Variants in TAFA4 observed in about 807,000 individuals in gnomAD.
TAFA4 encodes the protein chemokine-like protein TAFA-4.
TAFA4 carries 20 observed loss-of-function variants against 21.1 expected under a neutral mutation model. The ratio of observed to expected loss-of-function variants is 0.95; its 90% CI spans 0.67 to 1.38. The LOEUF is 1.38. Ranked by LOEUF, TAFA4 falls within the 40% of genes most tolerant of loss-of-function variation. TAFA4 has a pLI of 0.00. For missense variants in TAFA4, 211 were observed against 180.9 expected, an observed-to-expected ratio of 1.17 and a Z score of -0.95; for synonymous variants, 71 against 67.4, an observed-to-expected ratio of 1.05 and a Z score of -0.26.
chr3:68,890,556 A>T lies in TAFA4; in HGVS notation c.-122-5246T>A, dbSNP rs74868827. On this transcript the variant is annotated intron_variant, in intron 1 of 5. Coordinates refer to ENST00000295569, the MANE Select transcript of TAFA4 (RefSeq NM_182522.5). ...GCCTGCTAGGAACCATGCACTTGTT[A>T]GTCATTTTAAAATATAAACTCACTT... Among the ~76,000 whole-genome samples the T allele has an allele frequency of 2.4e-3, 367 of 152,330 alleles. 1 individual carries two copies. The Middle Eastern group carries it at 0.034, about 14-fold the overall frequency.
intron 3 of TAFA4, among the ~76,000 whole-genome samples, chr3:68,830,880 G>T (rs1392718557): frequency 6.6e-6 from 1 of 152,138 alleles, no homozygotes; most frequent in East Asian, 1.9e-4. Context: ...TCCTGTATTG[G>T]GTGCATATAT....
chr3:68,921,006 G>T (rs975302608), intron 1 of TAFA4, among the ~76,000 whole-genome samples: 1 of 152,134 alleles, frequency 6.6e-6, no homozygotes, highest in Non-Finnish European at 1.5e-5. Flanking sequence ...GTGCTGGGGG[G>T]ACAAAGGCCA....
At chr3:68,826,676 T>G (rs1033814103) in intron 3 of TAFA4, among the ~76,000 whole-genome samples, 4 of 150,990 alleles carry the variant, frequency 2.6e-5, no homozygotes, top group African/African-American at 9.8e-5. Context: ...GAGGGTAGAA[T>G]AGTAGGCAGA....
chr3:68,840,131 C>A (rs892586324), intron 3 of TAFA4, among the ~76,000 whole-genome samples: 1 of 152,158 alleles, frequency 6.6e-6, no homozygotes, highest in Non-Finnish European at 1.5e-5. Flanking sequence ...GACCCCATGG[C>A]AAATGGGGCT....
intron 3 of TAFA4, among the ~76,000 whole-genome samples, chr3:68,848,840 C>T (rs1013258325): frequency 2.6e-5 from 4 of 152,058 alleles, no homozygotes; most frequent in African/African-American, 9.7e-5. Flanking sequence ...CTGGTGCATG[C>T]AAAGTGACAG....
intron 3 of TAFA4, among the ~76,000 whole-genome samples, chr3:68,849,860 T>C (rs974041421): frequency 6.6e-6 from 1 of 152,216 alleles, no homozygotes; most frequent in African/African-American, 2.4e-5. Context: ...CCTCAACAGG[T>C]TCCTCTAATC....
intron 3 of TAFA4, among the ~76,000 whole-genome samples, chr3:68,808,374 G>T (rs184982530): frequency 7.8e-4 from 118 of 152,180 alleles, no homozygotes; most frequent in Admixed American, 2.0e-3. Context: ...CATAACAGTT[G>T]TCCTAGAATG....
At chr3:68,927,299 G>A (rs577150785) in intron 1 of TAFA4, among the ~76,000 whole-genome samples, 10 of 152,264 alleles carry the variant, frequency 6.6e-5, no homozygotes, top group Admixed American at 5.9e-4. Context: ...AGATGAAATA[G>A]AAATGAAGAA....
chr3:68,921,944 T>C (rs1196323281), intron 1 of TAFA4, among the ~76,000 whole-genome samples: 2 of 152,190 alleles, frequency 1.3e-5, no homozygotes, highest in African/African-American at 4.8e-5. Context: ...TCTTATGCTC[T>C]AAAAGAAACG....
rs186389829 is a variant in TAFA4, at chr3:68,776,848, A to C, written c.131-23830T>G. Among the ~76,000 whole-genome samples, 277 of 152,310 alleles carry C rather than the reference A, an allele frequency of 1.8e-3. 1 individual carries two copies. Among genetic ancestry groups the C allele is most frequent in the African/African-American group, 6.4e-3 (266 of 41,588 alleles). Reference sequence around the variant, plus strand: ...ATTAAATTAGAAACCAATAATAAGAAAATCAGAAAAACCATTTGGAAATTA... The same window carrying C: ...ATTAAATTAGAAACCAATAATAAGACAATCAGAAAAACCATTTGGAAATTA... On this transcript the variant is annotated intron_variant, in intron 3 of 5. Transcript: ENST00000295569.
At chr3:68,762,732 A>T (rs1472640471) in intron 3 of TAFA4, among the ~76,000 whole-genome samples, 1 of 152,230 alleles carries the variant, frequency 6.6e-6, no homozygotes, top group Non-Finnish European at 1.5e-5. Context: ...GAAGAATCTC[A>T]TGAAGTCAAT....
chr3:68,909,437 G>A (rs1196564144), intron 1 of TAFA4, among the ~76,000 whole-genome samples: 2 of 152,100 alleles, frequency 1.3e-5, no homozygotes, highest in Non-Finnish European at 2.9e-5. Flanking sequence ...GCACCAAGTA[G>A]TCCCTCAGTA....
chr3:68,882,813 G>A (rs376468801), intron 2 of TAFA4, among the ~76,000 whole-genome samples: 37 of 152,276 alleles, frequency 2.4e-4, no homozygotes, highest in African/African-American at 8.7e-4. Flanking sequence ...TAGAGTTTCT[G>A]TCCTCTTCAT....
chr3:68,807,867 A>G (rs919012877), intron 3 of TAFA4, among the ~76,000 whole-genome samples: 9 of 152,210 alleles, frequency 5.9e-5, no homozygotes, highest in Non-Finnish European at 1.2e-4. Flanking sequence ...GATTTGACAT[A>G]TAATTGCAAG....
At chr3:68,757,911 T>C (rs1053364652) in intron 3 of TAFA4, among the ~76,000 whole-genome samples, 9 of 152,228 alleles carry the variant, frequency 5.9e-5, no homozygotes, top group South Asian at 2.1e-4. Flanking sequence ...ATATAGGTTT[T>C]AGGTACTGTT....
chr3:68,897,566 C>A (rs1452632763), intron 1 of TAFA4, among the ~76,000 whole-genome samples: 2 of 151,654 alleles, frequency 1.3e-5, no homozygotes, highest in East Asian at 3.9e-4. Flanking sequence ...GCAGAGGTTG[C>A]AGTGAGCTGA....
At chr3:68,843,945 C>T (rs374996639) in intron 3 of TAFA4, among the ~76,000 whole-genome samples, 25 of 152,312 alleles carry the variant, frequency 1.6e-4, no homozygotes, top group South Asian at 1.0e-3. Context: ...ATTTTCGCAT[C>T]GGTGTCCATC....
chr3:68,885,351 C>T, intron 1 of TAFA4, 41 bp from the exon 2 acceptor site: 3 of 593,562 alleles, frequency 5.1e-6, no homozygotes, highest in Non-Finnish European at 8.8e-6. Context: ...AATCAATTAG[C>T]ATTTTAATGT....
chr3:68,866,692 CA>C (rs562939905), intron 3 of TAFA4, among the ~76,000 whole-genome samples: 525 of 52,344 alleles, frequency 0.01, 6 homozygotes, highest in Middle Eastern at 0.057. Context: ...TGCAAACTCA[CA>C]AAAAAAAAAA....
Sources: gnomAD v4.1 joint callset for allele counts (sites outside exome capture counted in the v4.1 genomes callset) on GRCh38, gnomAD v4.1.1 for gene constraint, MANE v1.5 for transcripts, NCBI Gene and HGNC (gene_info 2026-07-23, HGNC 2026-07-21) for gene names.